Variants in ZNF827 observed in about 807,000 individuals in gnomAD.
ZNF827 encodes zinc finger protein 827.
In ZNF827, 13 loss-of-function variants were observed where a neutral mutation model predicts 102.4. The observed-to-expected ratio is 0.13, with a 90% CI of 0.08 to 0.20. The LOEUF (loss-of-function observed/expected upper bound fraction) is 0.20. Ranked by LOEUF, ZNF827 falls within the 10% of genes least tolerant of loss-of-function variation. The pLI is 1.00. For missense variants in ZNF827, 1,103 were observed against 1,344.4 expected (o/e 0.82, Z 2.81); for synonymous variants, 523 against 536.2 (o/e 0.98, Z 0.34).
In ZNF827 at chr4:145,902,793, A is replaced by T; in HGVS notation, c.466T>A (p.Phe156Ile). 1 of 1,613,988 alleles carries T rather than the reference A, an allele frequency of 6.2e-7. No individual in the cohort carries two copies. The highest frequency in any genetic ancestry group is 1.1e-5 in the South Asian group (1 of 91,062). The change falls in exon 2 of 15, where the codon TTT becomes ATT. Residue 156 changes from phenylalanine (F) to isoleucine (I), a missense_variant. By Grantham distance (21) the Phe-to-Ile change is conservative (BLOSUM62 0). Coordinates refer to ENST00000508784, the MANE Select transcript of ZNF827 (RefSeq NM_001306215.2). This position sits in a 1 kb window ranked among gnomAD's most constrained non-coding sequence, Gnocchi z 4.3. ...SPVNVGSNLS[F>I]SPPSHHAQQL... is the part of the protein sequence containing the mutation. Reference sequence around the variant, plus strand: ...TGGGCGTGGTGGGAAGGCGGGGAAAAGGAGAGGTTCGAGCCAACGTTTACG... The same window carrying T: ...TGGGCGTGGTGGGAAGGCGGGGAAATGGAGAGGTTCGAGCCAACGTTTACG...
chr4:145,810,377 TAA>T (rs1038026928), intron 8 of ZNF827, among the ~76,000 whole-genome samples: 1 of 147,316 alleles, frequency 6.8e-6, no homozygotes, highest in Non-Finnish European at 1.5e-5. Context: ...AGGCCAATTC[TAA>T]AAAAAAAAAG....
intron 8 of ZNF827, among the ~76,000 whole-genome samples, chr4:145,819,184 T>C (rs1046097373): frequency 1.3e-5 from 2 of 152,100 alleles, no homozygotes; most frequent in Non-Finnish European, 2.9e-5. Flanking sequence ...GTGCTTTACA[T>C]TATCTCACTC....
intron 1 of ZNF827, among the ~76,000 whole-genome samples, chr4:145,927,396 T>C (rs986437002): frequency 2.0e-5 from 3 of 152,220 alleles, no homozygotes; most frequent in Admixed American, 2.0e-4. Flanking sequence ...AGTATTTTCA[T>C]AAACTTATGA....
At chr4:145,783,764 T>C (rs748461835) in intron 8 of ZNF827, among the ~76,000 whole-genome samples, 2 of 152,206 alleles carry the variant, frequency 1.3e-5, no homozygotes, top group Non-Finnish European at 2.9e-5. Flanking sequence ...TTTGTGAATA[T>C]AAGGCATGAA....
intron 9 of ZNF827, among the ~76,000 whole-genome samples, chr4:145,777,316 G>A (rs780003453): frequency 5.9e-5 from 9 of 152,208 alleles, no homozygotes; most frequent in Non-Finnish European, 1.2e-4. Context: ...AAGTGAAACT[G>A]TGGAGCTTTT....
chr4:145,906,661 C>A (rs1310267778), intron 1 of ZNF827, among the ~76,000 whole-genome samples: 2 of 152,196 alleles, frequency 1.3e-5, no homozygotes, highest in South Asian at 2.1e-4. Context: ...GATGTCTGAA[C>A]CTTCTTGAAA....
chr4:145,802,504 G>A (rs770529939), intron 8 of ZNF827, among the ~76,000 whole-genome samples: 1 of 152,238 alleles, frequency 6.6e-6, no homozygotes, highest in Non-Finnish European at 1.5e-5. Flanking sequence ...AAAGGTGGGA[G>A]CAGGGGTGCA....
At chr4:145,866,991 T>C (rs912145291) in intron 5 of ZNF827, among the ~76,000 whole-genome samples, 1 of 152,232 alleles carries the variant, frequency 6.6e-6, no homozygotes, top group South Asian at 2.1e-4. Flanking sequence ...TCTTACACTA[T>C]CTAATGTTAT....
chr4:145,929,328 T>C (rs1241004860), intron 1 of ZNF827, among the ~76,000 whole-genome samples: 1 of 152,336 alleles, frequency 6.6e-6, no homozygotes, highest in African/African-American at 2.4e-5. Flanking sequence ...CTCTAACCAG[T>C]GGGCTGCCTG....
intron 11 of ZNF827, among the ~76,000 whole-genome samples, chr4:145,768,004 CA>C (rs1295335711): frequency 2.0e-5 from 3 of 151,948 alleles, no homozygotes; most frequent in African/African-American, 7.3e-5. Context: ...ATTGTTTAAA[CA>C]AAAATAACTG....
In ZNF827 at chr4:145,938,414, C is replaced by G. The variant is rs773935595; in HGVS notation, c.-7G>C. ...CCTGCTTCCTCCTGGGCATTTTCCCCCTTTTCTCACATTCTCCTCCTTGGT... is the reference window on the plus strand; with the variant it reads ...CCTGCTTCCTCCTGGGCATTTTCCCGCTTTTCTCACATTCTCCTCCTTGGT... On this transcript the variant is annotated 5_prime_UTR_variant, in exon 1 of 15. Coordinates refer to ENST00000508784, the MANE Select transcript of ZNF827 (RefSeq NM_001306215.2). 2 of 1,611,256 alleles carry G rather than the reference C, an allele frequency of 1.2e-6. No homozygotes were observed. The highest frequency in any genetic ancestry group is 8.5e-7 in the Non-Finnish European group (1 of 1,179,368).
At chr4:145,768,455 G>A (rs1215464092) in intron 11 of ZNF827, among the ~76,000 whole-genome samples, 3 of 152,064 alleles carry the variant, frequency 2.0e-5, no homozygotes, top group Non-Finnish European at 2.9e-5. Flanking sequence ...ATGAGCCACC[G>A]TACCTGGCCT....
chr4:145,786,307 A>G (rs143015933), intron 8 of ZNF827, among the ~76,000 whole-genome samples: 4 of 152,340 alleles, frequency 2.6e-5, no homozygotes, highest in South Asian at 2.1e-4. Context: ...TCAAAGAACC[A>G]TCTCTCAACC....
At chr4:145,921,406 T>G (rs1447539753) in intron 1 of ZNF827, among the ~76,000 whole-genome samples, 2 of 134,762 alleles carry the variant, frequency 1.5e-5, no homozygotes, top group African/African-American at 5.8e-5. Flanking sequence ...AAGTCTGCCA[T>G]GGTGGCAGTG....
Position 145,764,647 on chromosome 4 carries a change from T to C in ZNF827, c.3230+341A>G, listed in dbSNP as rs184976015. The C allele has an allele frequency of 1.3e-3, 359 of 281,126 alleles. 3 individuals carry two copies. Among genetic ancestry groups the C allele is most frequent in the African/African-American group, 7.4e-3 (338 of 45,392 alleles). 17.4% of individuals were successfully genotyped at this position (281,126 alleles called of 1,614,324 possible). A position where few individuals can be genotyped will look rare whatever the true frequency, so the allele number is the denominator to read the frequency against. ...ATCTCGGTCACAGTATGATTTATGC[T>C]TGGGGACACTAAGCCCTGAGTCCAT... On this transcript the variant is annotated intron_variant, in intron 13 of 14. Coordinates refer to ENST00000508784, the MANE Select transcript of ZNF827 (RefSeq NM_001306215.2).
chr4:145,836,015 A>T (rs576165219), intron 7 of ZNF827, among the ~76,000 whole-genome samples: 2,862 of 151,186 alleles, frequency 0.019, 83 homozygotes, highest in African/African-American at 0.065. Flanking sequence ...TTTCTTTACT[A>T]TTCCTTTGCA....
intron 1 of ZNF827, among the ~76,000 whole-genome samples, chr4:145,913,094 A>C (rs1466090019): frequency 2.0e-5 from 3 of 152,140 alleles, no homozygotes; most frequent in African/African-American, 2.4e-5. Context: ...ATTTTTGCTT[A>C]TCTCTCAATT....
At chr4:145,901,556 GTTGA>G (rs1351448884) in intron 2 of ZNF827, among the ~76,000 whole-genome samples, 2 of 152,210 alleles carry the variant, frequency 1.3e-5, no homozygotes, top group African/African-American at 4.8e-5. Context: ...CAGGAAATGT[GTTGA>G]TTATGTTTGA....
intron 8 of ZNF827, among the ~76,000 whole-genome samples, chr4:145,815,620 G>T (rs1351645643): frequency 1.3e-5 from 2 of 152,168 alleles, no homozygotes; most frequent in African/African-American, 4.8e-5. Context: ...GCCCTGAAAA[G>T]AAATAAACAC....
Sources: gnomAD v4.1 joint callset for allele counts (sites outside exome capture counted in the v4.1 genomes callset) on GRCh38, gnomAD v4.1.1 for gene constraint, Gnocchi (gnomAD v3.1) non-coding constraint, MANE v1.5 for transcripts, NCBI Gene and HGNC (gene_info 2026-07-23, HGNC 2026-07-21) for gene names.